Variants in BICC1 observed in about 807,000 individuals in gnomAD.
The protein encoded by BICC1 is BicC family RNA binding protein 1, also known as protein bicaudal C homolog 1.
A neutral mutation model predicts 111.0 loss-of-function variants in BICC1; 43 were observed. The observed-to-expected ratio is 0.39, with a 90% CI of 0.30 to 0.50. The LOEUF (loss-of-function observed/expected upper bound fraction) is 0.50. Among genes scored for constraint, BICC1 ranks in the 20% least tolerant of loss-of-function variants. BICC1 has a pLI of 0.88. For missense variants in BICC1, 1,091 were observed against 1,203.2 expected (o/e 0.91, Z 1.38); for synonymous variants, 467 against 434.4 (o/e 1.07, Z -0.93).
intron 1 of BICC1, among the ~76,000 whole-genome samples, chr10:58,524,018 G>A (rs1391292271): frequency 6.6e-6 from 1 of 152,016 alleles, no homozygotes; most frequent in Non-Finnish European, 1.5e-5. Flanking sequence ...TCTTCAAGGA[G>A]AACTACAAAC....
chr10:58,679,319 A>G (rs7921578), intron 2 of BICC1, among the ~76,000 whole-genome samples: 7,136 of 152,262 alleles, frequency 0.047, 250 homozygotes, highest in Middle Eastern at 0.085. Flanking sequence ...AGAGAGAAGA[A>G]TCAAATAGAC....
chr10:58,526,360 C>T (rs73294399), intron 1 of BICC1, among the ~76,000 whole-genome samples: 3,927 of 151,796 alleles, frequency 0.026, 174 homozygotes, highest in African/African-American at 0.089. Context: ...GATGACAAAC[C>T]ACCCTCCCGA....
chr10:58,816,892 C>A (rs192227628), intron 18 of BICC1, among the ~76,000 whole-genome samples: 11 of 152,074 alleles, frequency 7.2e-5, no homozygotes, highest in Admixed American at 2.0e-4. Flanking sequence ...CCCACCAAAT[C>A]AGTTGCAGAA....
intron 1 of BICC1, among the ~76,000 whole-genome samples, chr10:58,581,989 A>G (rs945928719): frequency 2.0e-5 from 3 of 152,020 alleles, no homozygotes; most frequent in Non-Finnish European, 4.4e-5. Context: ...GTGCATATAC[A>G]TGCATATGTA....
At chr10:58,739,596 G>A (rs1360374949) in intron 3 of BICC1, among the ~76,000 whole-genome samples, 1 of 151,878 alleles carries the variant, frequency 6.6e-6, no homozygotes, top group Non-Finnish European at 1.5e-5. Flanking sequence ...TTCTTACATG[G>A]AAGTATAATA....
At position 58,799,223 on chromosome 10, in the gene BICC1, A is replaced by T. The variant is rs376079369; in HGVS notation, c.1696A>T (p.Ile566Phe). Residue 566 changes from isoleucine (I) to phenylalanine (F), a missense_variant, in exon 12 of 21, where the codon ATC becomes TTC. Coordinates refer to ENST00000373886, the MANE Select transcript of BICC1 (RefSeq NM_001080512.3). ...INSMQTEGKKISAALNGHAQS... is the reference protein window; with the variant it reads ...INSMQTEGKKFSAALNGHAQS... ...CAGTATGCAGACCGAAGGCAAAAAA[A>T]TCTCTGCTGCTTTAAATGGACATGC... 1.2e-6 allele frequency: 2 copies of T among 1,610,578 alleles called. No homozygotes were observed. Among genetic ancestry groups the T allele is most frequent in the Non-Finnish European group, 1.7e-6 (2 of 1,178,016 alleles).
At chr10:58,771,439 G>A (rs2132723559) in intron 3 of BICC1, among the ~76,000 whole-genome samples, 1 of 152,198 alleles carries the variant, frequency 6.6e-6, no homozygotes, top group Admixed American at 6.5e-5. Flanking sequence ...AGGGCCTACA[G>A]ACTGATGAAA....
chr10:58,744,321 C>T, intron 3 of BICC1, among the ~76,000 whole-genome samples: 1 of 151,944 alleles, frequency 6.6e-6, no homozygotes, highest in East Asian at 1.9e-4. Flanking sequence ...TTAAAAAGCT[C>T]TCTCAGTGTT....
chr10:58,807,981 G>A (rs1314346686), intron 17 of BICC1, among the ~76,000 whole-genome samples: 1 of 151,888 alleles, frequency 6.6e-6, no homozygotes, highest in Non-Finnish European at 1.5e-5. Flanking sequence ...ATAATTGTTA[G>A]TCTAATAACT....
At chr10:58,716,135 T>G in intron 3 of BICC1, 1 of 1,502,018 alleles carries the variant, frequency 6.7e-7, no homozygotes, top group Non-Finnish European at 9.1e-7. Context: ...TCTGAGTCCT[T>G]GTAAGAATCA....
chr10:58,582,804 T>G (rs1844319069), intron 1 of BICC1, among the ~76,000 whole-genome samples: 1 of 152,214 alleles, frequency 6.6e-6, no homozygotes, highest in East Asian at 1.9e-4. Context: ...GCAAAGCACC[T>G]GATTCTTCTG....
At chr10:58,611,583 C>T (rs1845421559) in intron 1 of BICC1, among the ~76,000 whole-genome samples, 1 of 151,712 alleles carries the variant, frequency 6.6e-6, no homozygotes. Flanking sequence ...TCAAGAGATT[C>T]TCCTGTCTCA....
At chr10:58,667,079 G>A (rs1213899707) in intron 2 of BICC1, among the ~76,000 whole-genome samples, 1 of 152,030 alleles carries the variant, frequency 6.6e-6, no homozygotes, top group African/African-American at 2.4e-5. Flanking sequence ...TAGTGCCACT[G>A]ACAGTTTTAA....
At chr10:58,583,084 G>T (rs182370343) in intron 1 of BICC1, among the ~76,000 whole-genome samples, 2 of 152,110 alleles carry the variant, frequency 1.3e-5, no homozygotes, top group East Asian at 3.9e-4. Flanking sequence ...CTAGTGTTCT[G>T]TGTCTTAATA....
intron 2 of BICC1, among the ~76,000 whole-genome samples, chr10:58,644,639 A>T (rs865790193): frequency 2.2e-4 from 33 of 152,324 alleles, no homozygotes; most frequent in African/African-American, 7.0e-4. Context: ...CTAGATAAGG[A>T]TAAGTATTTT....
rs1842802949 is a variant in BICC1, at chr10:58,535,534, G to A, written c.190+22201G>A. Among the ~76,000 whole-genome samples the A allele has an allele frequency of 5.3e-5, 8 of 151,682 alleles. No individual in the cohort carries two copies. In the South Asian group the frequency reaches 1.4e-3, roughly 27 times the overall value. On this transcript the variant is annotated intron_variant, in intron 1 of 20. Transcript: ENST00000373886. Reference sequence around the variant, plus strand: ...CTTTCTCAGACAAGCAAATGCTGAGGGAATTTGTCAATACTAGACCAATGT... The same window carrying A: ...CTTTCTCAGACAAGCAAATGCTGAGAGAATTTGTCAATACTAGACCAATGT...
At chr10:58,816,694 C>T (rs1844100314) in intron 18 of BICC1, among the ~76,000 whole-genome samples, 1 of 151,152 alleles carries the variant, frequency 6.6e-6, no homozygotes, top group African/African-American at 2.4e-5. Context: ...GGCAAGAGCT[C>T]ATTATTGGTC....
chr10:58,586,167 TC>T (rs1484859283), intron 1 of BICC1, among the ~76,000 whole-genome samples: 4 of 152,192 alleles, frequency 2.6e-5, no homozygotes, highest in African/African-American at 9.7e-5. Flanking sequence ...AAATGTGACT[TC>T]CTTCTTTGAT....
At chr10:58,775,643 A>G (rs1173024621) in intron 3 of BICC1, among the ~76,000 whole-genome samples, 1 of 152,218 alleles carries the variant, frequency 6.6e-6, no homozygotes, top group Non-Finnish European at 1.5e-5. Flanking sequence ...GAGAAAAACA[A>G]ATAATACACA....
Sources: allele counts gnomAD v4.1 joint callset (sites outside exome capture counted in the v4.1 genomes callset), GRCh38; gene constraint gnomAD v4.1.1; transcripts MANE v1.5; gene names NCBI Gene and HGNC (gene_info 2026-07-23, HGNC 2026-07-21).